Variants in SLMAP observed in about 807,000 individuals in gnomAD.
SLMAP encodes the protein sarcolemma associated protein.
A neutral mutation model predicts 128.8 loss-of-function variants in SLMAP; 44 were observed. That is an observed-to-expected ratio of 0.34 (90% CI 0.27 to 0.44). The LOEUF is 0.44. Ranked by LOEUF, SLMAP falls within the 20% of genes least tolerant of loss-of-function variation. The probability of loss-of-function intolerance (pLI) is 1.00; values close to 1 mark genes in which losing one functional copy is unlikely to be tolerated. For synonymous variants in SLMAP, 327 were observed against 348.8 expected (o/e 0.94, Z 0.70); for missense variants, 787 against 985.3 (o/e 0.80, Z 2.69).
chr3:57,869,640 A>ATATAT lies in SLMAP; in HGVS notation c.1238-1995_1238-1991dup, dbSNP rs2095427240. Among the ~76,000 whole-genome samples the ATATAT allele has an allele frequency of 1.2e-4, 15 of 127,212 alleles. No individual in the cohort carries two copies. The South Asian group carries it at 3.5e-3, about 30-fold the overall frequency. The allele number at this position is 127,212 out of a possible 152,430, so 83.5% of individuals were successfully genotyped here. ...AAGATCCCATCTCTATTATATATAT[A>ATATAT]TATATATATATATATATATAATATA... On this transcript the variant is annotated intron_variant, in intron 13 of 24. Coordinates refer to ENST00000671191, the MANE Select transcript of SLMAP (RefSeq NM_001377540.1).
At chr3:57,867,369 A>G (rs1265786607) in intron 13 of SLMAP, among the ~76,000 whole-genome samples, 1 of 152,160 alleles carries the variant, frequency 6.6e-6, no homozygotes, top group Non-Finnish European at 1.5e-5. Flanking sequence ...TTCCAGTTCC[A>G]GTTGGTTCAG....
intron 14 of SLMAP, among the ~76,000 whole-genome samples, chr3:57,887,248 T>C (rs2095915652): frequency 6.6e-6 from 1 of 151,840 alleles, no homozygotes; most frequent in Non-Finnish European, 1.5e-5. Flanking sequence ...TTTTTTTTTT[T>C]TTTTGAGTTT....
At chr3:57,783,934 A>G (rs199744624) in intron 2 of SLMAP, among the ~76,000 whole-genome samples, 16 of 152,262 alleles carry the variant, frequency 1.1e-4, no homozygotes, top group East Asian at 3.9e-4. Flanking sequence ...CTGTGGCTCA[A>G]GTGGGCCCAG....
chr3:57,769,977 A>AT (rs2153442862), intron 2 of SLMAP, among the ~76,000 whole-genome samples: 1 of 152,338 alleles, frequency 6.6e-6, no homozygotes, highest in East Asian at 1.9e-4. Context: ...TCAGTTCAGC[A>AT]TAAGATTGAT....
intron 18 of SLMAP, 132 bp from the exon 19 acceptor site, chr3:57,908,944 C>CT (rs2096629100): frequency 1.6e-6 from 1 of 625,502 alleles, no homozygotes; most frequent in Non-Finnish European, 2.8e-6. Context: ...ACTGATAATA[C>CT]TTACTGCCTA....
chr3:57,780,017 T>TAA (rs1230439614), intron 2 of SLMAP, among the ~76,000 whole-genome samples: 1 of 151,792 alleles, frequency 6.6e-6, no homozygotes, highest in Non-Finnish European at 1.5e-5. Context: ...AAAAGAGAAA[T>TAA]AAAAAAAGTT....
chr3:57,861,921 T>C (rs758141998), intron 9 of SLMAP, 28 bp from the exon 10 acceptor site: 1 of 1,588,920 alleles, frequency 6.3e-7, no homozygotes, highest in South Asian at 1.1e-5. Context: ...CTTATTCTAA[T>C]TAAATTGCCT....
At chr3:57,779,508 C>CAAAA (rs75146875) in intron 2 of SLMAP, among the ~76,000 whole-genome samples, 1 of 79,802 alleles carries the variant, frequency 1.3e-5, no homozygotes, top group African/African-American at 5.5e-5. Context: ...GACCCTGTTT[C>CAAAA]AAAAAAAAAA....
intron 15 of SLMAP, chr3:57,891,069 T>C (rs776661867): frequency 1.3e-5 from 2 of 152,170 alleles, no homozygotes; most frequent in Non-Finnish European, 2.9e-5. Context: ...AGTGAACTAT[T>C]TTTAGTACAT....
intron 2 of SLMAP, chr3:57,800,668 A>AT (rs2088052221): frequency 1.3e-5 from 2 of 152,672 alleles, no homozygotes; most frequent in African/African-American, 4.8e-5. Flanking sequence ...TTGTTGCCTC[A>AT]TGGACACATA....
chr3:57,906,322 T>C (rs1472618550), intron 17 of SLMAP, among the ~76,000 whole-genome samples: 3 of 128,970 alleles, frequency 2.3e-5, no homozygotes, highest in Non-Finnish European at 4.9e-5. Flanking sequence ...TTTTTTTTTT[T>C]TTTTTTTTTT....
chr3:57,760,751 G>A (rs1294937298), intron 2 of SLMAP, among the ~76,000 whole-genome samples: 1 of 151,890 alleles, frequency 6.6e-6, no homozygotes, highest in Non-Finnish European at 1.5e-5. Flanking sequence ...TTCAGAGAAG[G>A]AGTTTCGTTC....
intron 2 of SLMAP, among the ~76,000 whole-genome samples, chr3:57,774,355 GA>G (rs2081408472): frequency 6.6e-6 from 1 of 151,974 alleles, no homozygotes; most frequent in African/African-American, 2.4e-5. Flanking sequence ...AATAATGTGT[GA>G]AAAAATGATT....
chr3:57,783,867 G>A (rs775628590), intron 2 of SLMAP, among the ~76,000 whole-genome samples: 10 of 152,206 alleles, frequency 6.6e-5, no homozygotes, highest in Non-Finnish European at 1.2e-4. Flanking sequence ...TAATGGGCTT[G>A]ATGCCTAGGG....
intron 2 of SLMAP, among the ~76,000 whole-genome samples, chr3:57,790,100 G>C (rs1392348171): frequency 6.6e-6 from 1 of 152,100 alleles, no homozygotes; most frequent in Non-Finnish European, 1.5e-5. Context: ...GCCTCCCAAA[G>C]TGCTGGGATT....
rs531168692 is a variant in SLMAP at position 57,927,628 on chromosome 3, A to G, written c.*339A>G. On this transcript the variant is annotated 3_prime_UTR_variant, in exon 25 of 25. Transcript: ENST00000671191. ...GCTTGCAATTTTTCATGTAATTTTT[A>G]AATTAGTATGTTAAGATTCTGAATA... 7.3e-4 allele frequency: 174 copies of G among 239,688 alleles called. 1 individual carries two copies. The South Asian group carries it at 0.012, about 16-fold the overall frequency. The allele number at this position is 239,688 out of a possible 1,614,324, so 14.8% of individuals were successfully genotyped here.
At chr3:57,771,548 T>A (rs1020396176) in intron 2 of SLMAP, among the ~76,000 whole-genome samples, 3 of 152,138 alleles carry the variant, frequency 2.0e-5, no homozygotes, top group Admixed American at 1.3e-4. Flanking sequence ...TCTTTTTTTT[T>A]AGACAGGGTC....
chr3:57,892,795 CACACACACACACACAT>C (rs1217378989), intron 15 of SLMAP, among the ~76,000 whole-genome samples: 12 of 148,498 alleles, frequency 8.1e-5, no homozygotes, highest in Non-Finnish European at 7.4e-5. Flanking sequence ...CACACACACA[CACACACACACACACAT>C]ACACACACAA....
At chr3:57,874,813 T>G (rs1575572325) in intron 14 of SLMAP, among the ~76,000 whole-genome samples, 1 of 151,534 alleles carries the variant, frequency 6.6e-6, no homozygotes, top group South Asian at 2.1e-4. Context: ...GAGCCGAGAT[T>G]GTGCCATTGC....
Sources: allele counts gnomAD v4.1 joint callset (sites outside exome capture counted in the v4.1 genomes callset), GRCh38; gene constraint gnomAD v4.1.1; transcripts MANE v1.5; gene names NCBI Gene and HGNC (gene_info 2026-07-23, HGNC 2026-07-21).